CSTF3: variants seen among roughly 807,000 people sequenced by gnomAD.
CSTF3 encodes the protein cleavage stimulation factor subunit 3.
Under a neutral mutation model 105.8 loss-of-function variants are expected in CSTF3, and 29 were observed. The ratio of observed to expected loss-of-function variants is 0.27; its 90% CI spans 0.20 to 0.37. The LOEUF (loss-of-function observed/expected upper bound fraction) is 0.37, where lower values mean the gene tolerates loss of function less well. CSTF3 is among the 10% of genes least tolerant of loss of function. CSTF3 has a pLI of 1.00. For missense variants in CSTF3, 357 were observed against 879.3 expected (o/e 0.41, Z 7.51); for synonymous variants, 252 against 281.9 (o/e 0.89, Z 1.06).
At chr11:33,134,970 A>G (rs1855637523) in intron 3 of CSTF3, among the ~76,000 whole-genome samples, 2 of 152,146 alleles carry the variant, frequency 1.3e-5, no homozygotes, top group Admixed American at 1.3e-4. Context: ...AAATACCAAG[A>G]TGTGGCACTC....
chr11:33,106,574 AAAT>A (rs1855327582), intron 5 of CSTF3, among the ~76,000 whole-genome samples: 1 of 152,098 alleles, frequency 6.6e-6, no homozygotes, highest in Non-Finnish European at 1.5e-5. Context: ...ATAAATAAAT[AAAT>A]AATAAATGTA....
At chr11:33,152,812 T>G (rs1849804849) in intron 1 of CSTF3, among the ~76,000 whole-genome samples, 1 of 151,952 alleles carries the variant, frequency 6.6e-6, no homozygotes, top group African/African-American at 2.4e-5. Flanking sequence ...TACAAAAAAT[T>G]AGCTGGGTGT....
intron 13 of CSTF3, 90 bp from the exon 14 acceptor site, chr11:33,097,068 G>A (rs1855229927): frequency 1.1e-6 from 1 of 898,814 alleles, no homozygotes; most frequent in African/African-American, 1.7e-5. Flanking sequence ...AAATTAGAAA[G>A]TAGGAATTTA....
intron 4 of CSTF3, 89 bp from the exon 5 acceptor site, chr11:33,108,089 G>A: frequency 1.3e-6 from 1 of 774,592 alleles, no homozygotes; most frequent in Non-Finnish European, 2.0e-6. Context: ...CACAAATTCA[G>A]CTCCCTTTAT....
Position 33,090,687 on chromosome 11 carries a change from C to A in CSTF3, c.1486G>T (p.Gly496Cys). The change falls in exon 17 of 21, where the codon GGT becomes TGT. Residue 496 changes from glycine to cysteine, a missense_variant. Around this residue, in one of 4 missense-constraint regions of CSTF3, gnomAD observed 206 missense variants for 576.5 expected, o/e 0.36. Transcript: ENST00000323959. ...ACTTTGAGTATACTAGCTAGATCAC[C>A]AATATTACTTTCAAATGCTAGAAAT... is the stretch of plus-strand genomic sequence containing the variant. ...ARFLAFESNI[G>C]DLASILKVEK... 6.4e-7 allele frequency: 1 copy of A among 1,564,742 alleles called. No homozygotes were observed. The highest frequency in any genetic ancestry group is 8.6e-7 in the Non-Finnish European group (1 of 1,160,174).
chr11:33,149,515 C>G (rs1452670505), intron 1 of CSTF3, among the ~76,000 whole-genome samples: 3 of 152,164 alleles, frequency 2.0e-5, no homozygotes, highest in African/African-American at 7.2e-5. Flanking sequence ...AAAAACTGAA[C>G]AGTTTTGTAG....
At chr11:33,095,169 G>T (rs1855207031) in intron 15 of CSTF3, among the ~76,000 whole-genome samples, 1 of 152,126 alleles carries the variant, frequency 6.6e-6, no homozygotes, top group African/African-American at 2.4e-5. Context: ...CAAAGTGCTG[G>T]GATTACAGGC....
chr11:33,107,863 TG>T, intron 5 of CSTF3, 39 bp downstream of exon 5: 1 of 1,193,734 alleles, frequency 8.4e-7, no homozygotes. Context: ...ACTGTGTGCC[TG>T]GAGATGACTT....
At chr11:33,111,087 G>A (rs1855374763) in intron 3 of CSTF3, among the ~76,000 whole-genome samples, 1 of 152,014 alleles carries the variant, frequency 6.6e-6, no homozygotes, top group Admixed American at 6.6e-5. Flanking sequence ...AAAATTAGCT[G>A]GACATAGTGG....
At chr11:33,145,070 A>G (rs1855764565) in intron 1 of CSTF3, 2 of 152,674 alleles carry the variant, frequency 1.3e-5, no homozygotes, top group African/African-American at 4.8e-5. Flanking sequence ...CAAACGTAAA[A>G]AAAACCTCCA....
In CSTF3 at chr11:33,105,713, G is replaced by A. The variant is rs1467001672; in HGVS notation, c.459-20C>T. ...GCTTCCCTGAGATTGGATAAGAAAT[G>A]CCATCAATTATATTATAACCAAATC... On this transcript the variant is annotated intron_variant, in intron 7 of 20. Coordinates refer to ENST00000323959, the MANE Select transcript of CSTF3 (RefSeq NM_001326.3). The A allele has an allele frequency of 6.2e-7, 1 of 1,611,288 alleles. No homozygotes were observed. Among genetic ancestry groups the A allele is most frequent in the Non-Finnish European group, 8.5e-7 (1 of 1,178,098 alleles).
chr11:33,130,271 G>A (rs962464665), intron 3 of CSTF3, among the ~76,000 whole-genome samples: 13 of 152,112 alleles, frequency 8.5e-5, no homozygotes, highest in African/African-American at 4.8e-5. Flanking sequence ...TCAGGAGTTC[G>A]AGACCAGCCT....
chr11:33,135,609 GA>G (rs1317610264), intron 3 of CSTF3, among the ~76,000 whole-genome samples: 1 of 152,120 alleles, frequency 6.6e-6, no homozygotes, highest in Non-Finnish European at 1.5e-5. Flanking sequence ...CATATAAAAT[GA>G]GGGGGCTAAA....
intron 1 of CSTF3, among the ~76,000 whole-genome samples, chr11:33,151,845 C>G (rs1488223823): frequency 6.6e-6 from 1 of 152,178 alleles, no homozygotes; most frequent in Non-Finnish European, 1.5e-5. Context: ...TCTCCATATC[C>G]TTACCAACAT....
intron 14 of CSTF3, among the ~76,000 whole-genome samples, 163 bp downstream of exon 14, chr11:33,096,672 G>A (rs781100434): frequency 4.6e-5 from 7 of 152,144 alleles, no homozygotes; most frequent in Non-Finnish European, 1.0e-4. Flanking sequence ...CAAGTAGTTG[G>A]GGATTTGGAT....
Position 33,108,378 on chromosome 11 carries a change from G to T in CSTF3, c.258+8C>A. The T allele has an allele frequency of 6.7e-7, 1 of 1,488,606 alleles. No homozygotes were observed. The highest frequency in any genetic ancestry group is 1.3e-5 in the South Asian group (1 of 75,780). 92.2% of individuals were successfully genotyped at this position (1,488,606 alleles called of 1,614,324 possible). A position where few individuals can be genotyped will look rare whatever the true frequency, so the allele number is the denominator to read the frequency against. On this transcript the variant is annotated splice_region_variant and intron_variant, in intron 4 of 20. Transcript: ENST00000323959. ...TCAATATAAAATTCAAAGTATTTGA[G>T]GACTCACCTTTTCAACCTTGTCATA...
intron 1 of CSTF3, among the ~76,000 whole-genome samples, chr11:33,146,754 G>A (rs1451857307): frequency 1.3e-5 from 2 of 151,672 alleles, no homozygotes; most frequent in African/African-American, 2.4e-5. Context: ...TTTCTTATTC[G>A]TCTGAGAAAT....
Position 33,108,393 on chromosome 11 carries a change from A to G in CSTF3, c.251T>C (p.Val84Ala). 6.7e-7 allele frequency: 1 copy of G among 1,490,030 alleles called. No homozygotes were observed. The highest frequency in any genetic ancestry group is 1.3e-5 in the South Asian group (1 of 75,936). The allele number at this position is 1,490,030 out of a possible 1,614,324, so 92.3% of individuals were successfully genotyped here. A position where few individuals can be genotyped will look rare whatever the true frequency, so the allele number is the denominator to read the frequency against. Residue 84 changes from valine (V) to alanine (A), a missense_variant, in exon 4 of 21, where the codon GTT becomes GCT. Coordinates refer to ENST00000323959, the MANE Select transcript of CSTF3 (RefSeq NM_001326.3). Reference sequence around the variant, plus strand: ...AAGTATTTGAGGACTCACCTTTTCAACCTTGTCATAATTTTTAGCTTTAAT... The same window carrying G: ...AAGTATTTGAGGACTCACCTTTTCAGCCTTGTCATAATTTTTAGCTTTAAT... ...AEIKAKNYDK[V>A]EKLFQRCLMK...
At chr11:33,158,066 C>A (rs1356393854) in intron 1 of CSTF3, among the ~76,000 whole-genome samples, 2 of 151,884 alleles carry the variant, frequency 1.3e-5, no homozygotes, top group Non-Finnish European at 2.9e-5. Context: ...GGATTTGCTT[C>A]GAAGTAATGG....
Sources: gnomAD v4.1 joint callset for allele counts (sites outside exome capture counted in the v4.1 genomes callset) on GRCh38, gnomAD v4.1.1 for gene constraint, gnomAD v4.1.1 regional missense constraint, MANE v1.5 for transcripts, NCBI Gene and HGNC (gene_info 2026-07-23, HGNC 2026-07-21) for gene names.